RGS3: variants seen among roughly 807,000 people sequenced by gnomAD.
RGS3 encodes the protein regulator of G-protein signalling 3.
A neutral mutation model predicts 132.6 loss-of-function variants in RGS3; 80 were observed. The observed-to-expected ratio is 0.60, with a 90% CI of 0.50 to 0.73. The LOEUF (loss-of-function observed/expected upper bound fraction) is 0.73. Among genes scored for constraint, RGS3 ranks in the 30% least tolerant of loss-of-function variants. The pLI is 0.00. For missense variants in RGS3, 1,382 were observed against 1,530.8 expected (o/e 0.90, Z 1.62); for synonymous variants, 598 against 620.6 (o/e 0.96, Z 0.54).
chr9:113,565,004 C>T lies in RGS3; in HGVS notation c.2038-18446C>T. 9.7e-7 allele frequency: 1 copy of T among 1,031,100 alleles called. No homozygotes were observed. Among genetic ancestry groups the T allele is most frequent in the South Asian group, 3.2e-5 (1 of 31,376 alleles). The allele number at this position is 1,031,100 out of a possible 1,614,324, so 63.9% of individuals were successfully genotyped here. On this transcript the variant is annotated intron_variant, in intron 19 of 24. Transcript: ENST00000350696. This position sits in a 1 kb window ranked among gnomAD's most constrained non-coding sequence, Gnocchi z 5.7. ...CCGGCTGGAGGCGGCTTTGCGCTGC[C>T]CCAGCCTGGGAGCCCTCAGGATGTG...
In RGS3 at chr9:113,567,082, C is replaced by T. The variant is rs527352068; in HGVS notation, c.2038-16368C>T. 1.4e-4 allele frequency among the ~76,000 whole-genome samples: 21 copies of T among 152,380 alleles called. No homozygotes were observed. The South Asian group carries it at 1.4e-3, about 11-fold the overall frequency. On this transcript the variant is annotated intron_variant, in intron 19 of 24. Coordinates refer to ENST00000350696, the Ensembl canonical transcript of RGS3. ...GAGGCAGTTGAGGCAAGTGACCACT[C>T]CTCGTGAGAAGTCTCCAGGGCTTTG... is the stretch of plus-strand genomic sequence containing the variant.
chr9:113,528,650 CT>C (rs1255835900), intron 17 of RGS3, among the ~76,000 whole-genome samples: 2 of 152,172 alleles, frequency 1.3e-5, no homozygotes, highest in Non-Finnish European at 2.9e-5. Flanking sequence ...ATGGTTGCAA[CT>C]GGGATCCTGG....
chr9:113,511,842 G>T (rs1831419448), intron 14 of RGS3, among the ~76,000 whole-genome samples: 1 of 152,034 alleles, frequency 6.6e-6, no homozygotes, highest in Admixed American at 6.6e-5. Context: ...CTTCTCTGCT[G>T]TAGGCTTAAC....
At chr9:113,497,439 G>A (rs1347769057) in intron 9 of RGS3, 35 bp downstream of exon 7, 4 of 1,559,688 alleles carry the variant, frequency 2.6e-6, no homozygotes, top group South Asian at 1.1e-5. Context: ...CCCTTCCCAG[G>A]ACCTGCCCCC....
intron 3 of RGS3, among the ~76,000 whole-genome samples, chr9:113,462,465 G>A (rs566775506): frequency 3.3e-5 from 5 of 152,304 alleles, no homozygotes; most frequent in African/African-American, 9.6e-5. Flanking sequence ...ACCCTGTGGC[G>A]TTTGCTCCTT....
At chr9:113,532,879 G>A (rs995848444) in intron 18 of RGS3, among the ~76,000 whole-genome samples, 5 of 152,164 alleles carry the variant, frequency 3.3e-5, no homozygotes, top group Admixed American at 2.6e-4. Flanking sequence ...AGCTGCCAGC[G>A]AACTCTGCAG....
At chr9:113,535,715 CT>C (rs11354798) in intron 18 of RGS3, among the ~76,000 whole-genome samples, 18,400 of 150,588 alleles carry the variant, frequency 0.12, 1,327 homozygotes, top group African/African-American at 0.19. Flanking sequence ...GAAACACTGT[CT>C]TTTTTTTTTC....
intron 19 of RGS3, among the ~76,000 whole-genome samples, chr9:113,557,864 G>GA (rs1401978143): frequency 6.6e-6 from 1 of 152,222 alleles, no homozygotes; most frequent in Non-Finnish European, 1.5e-5. Context: ...CGAGGAAGGG[G>GA]AACAGAGCAT....
At chr9:113,474,807 T>C (rs1829941079) in intron 3 of RGS3, among the ~76,000 whole-genome samples, 1 of 152,202 alleles carries the variant, frequency 6.6e-6, no homozygotes, top group Admixed American at 6.5e-5. Flanking sequence ...CCATCATAGA[T>C]GTATTCTCTG....
At chr9:113,567,379 C>G (rs1344973894) in intron 19 of RGS3, among the ~76,000 whole-genome samples, 1 of 152,192 alleles carries the variant, frequency 6.6e-6, no homozygotes, top group South Asian at 2.1e-4. Context: ...CTTATTCATT[C>G]CTTAGTCGCA....
intron 19 of RGS3, among the ~76,000 whole-genome samples, chr9:113,543,969 A>T (rs1833004529): frequency 6.6e-6 from 1 of 152,164 alleles, no homozygotes; most frequent in Non-Finnish European, 1.5e-5. Context: ...CAGGCTCGAG[A>T]AGATGAAACA....
In RGS3 at chr9:113,463,133, G is replaced by A. The variant is rs1468874044; in HGVS notation, c.415+932G>A. Among the ~76,000 whole-genome samples the A allele has an allele frequency of 2.0e-5, 3 of 152,152 alleles. No homozygotes were observed. Among genetic ancestry groups the A allele is most frequent in the South Asian group, 2.1e-4 (1 of 4,830 alleles). ...GTCCGATGGCATCAGGCTGTGGGAC[G>A]GGGGGCCATCAGGTTGGTTGGAGCA... On this transcript the variant is annotated intron_variant, in intron 3 of 24. Transcript: ENST00000350696. This position sits in a 1 kb window ranked among gnomAD's most constrained non-coding sequence, Gnocchi z 4.6.
exon 16 of RGS3, chr9:113,517,612 C>G: frequency 6.2e-7 from 1 of 1,613,570 alleles, no homozygotes; most frequent in Non-Finnish European, 8.5e-7. Flanking sequence ...AAGGGAGGAA[C>G]AAGGCTGCCG....
intron 18 of RGS3, 135 bp from the exon 17 acceptor site, chr9:113,536,661 T>G: frequency 1.3e-6 from 2 of 1,498,762 alleles, no homozygotes; most frequent in Non-Finnish European, 1.8e-6. Flanking sequence ...TAGTGTGCAT[T>G]TGCGGCTTTT....
intron 20 of RGS3, chr9:113,589,771 TG>T (rs1178624987): frequency 6.6e-6 from 1 of 152,242 alleles, no homozygotes; most frequent in Non-Finnish European, 1.5e-5. Context: ...TTAGCGTGGG[TG>T]CCAGGACTGG....
chr9:113,505,130 T>C, intron 10 of RGS3: 1 of 396,140 alleles, frequency 2.5e-6, no homozygotes, highest in Non-Finnish European at 4.7e-6. Context: ...GGCCCTTGGA[T>C]CAAGGGCTGG....
chr9:113,455,094 C>T (rs139815984), intron 1 of RGS3, among the ~76,000 whole-genome samples: 2 of 152,104 alleles, frequency 1.3e-5, no homozygotes, highest in African/African-American at 4.8e-5. Context: ...CCTGAGTTCC[C>T]TCTCCCTTTT....
At chr9:113,477,384 C>T (rs903644203) in intron 3 of RGS3, among the ~76,000 whole-genome samples, 8 of 152,154 alleles carry the variant, frequency 5.3e-5, no homozygotes, top group African/African-American at 1.9e-4. Context: ...CCAGGGTTTG[C>T]AGGAGCCTGA....
chr9:113,445,266 C>T (rs999473909), intron 1 of RGS3, among the ~76,000 whole-genome samples: 5 of 151,526 alleles, frequency 3.3e-5, no homozygotes, highest in Middle Eastern at 3.4e-3. Flanking sequence ...GGCGTGATCT[C>T]GGCTCACCGA....
Sources: gnomAD v4.1 joint callset for allele counts (sites outside exome capture counted in the v4.1 genomes callset) on GRCh38, gnomAD v4.1.1 for gene constraint, Gnocchi (gnomAD v3.1) non-coding constraint, MANE v1.5 for transcripts, NCBI Gene and HGNC (gene_info 2026-07-23, HGNC 2026-07-21) for gene names.